KLHL29: variants seen among roughly 807,000 people sequenced by gnomAD.
KLHL29 encodes kelch-like protein 29.
In KLHL29, 21 loss-of-function variants were observed where a neutral mutation model predicts 80.4. The ratio of observed to expected loss-of-function variants is 0.26; its 90% confidence interval spans 0.19 to 0.38. The LOEUF (loss-of-function observed/expected upper bound fraction) is 0.38. Among genes scored for constraint, KLHL29 ranks in the 10% least tolerant of loss-of-function variants. KLHL29 has a pLI of 1.00. For synonymous variants in KLHL29, 511 were observed against 526.8 expected, an observed-to-expected ratio of 0.97 and a Z score of 0.41; for missense variants, 867 against 1,223.9, an observed-to-expected ratio of 0.71 and a Z score of 4.35.
At chr2:23,548,312 CACACAG>C (rs1667031313) in intron 2 of KLHL29, among the ~76,000 whole-genome samples, 1 of 151,794 alleles carries the variant, frequency 6.6e-6, no homozygotes, top group African/African-American at 2.4e-5. Context: ...GGCACACACA[CACACAG>C]ACACAAGCAC....
At chr2:23,491,870 A>G (rs543929691) in intron 2 of KLHL29, among the ~76,000 whole-genome samples, 2 of 152,228 alleles carry the variant, frequency 1.3e-5, no homozygotes, top group South Asian at 2.1e-4. Context: ...CCAGTCCCCT[A>G]GTTAGAAACC....
chr2:23,603,352 T>A (rs1212470536), intron 3 of KLHL29, among the ~76,000 whole-genome samples: 2 of 152,096 alleles, frequency 1.3e-5, no homozygotes, highest in African/African-American at 2.4e-5. Flanking sequence ...GGCTGGAAGA[T>A]GAAGGCTACA....
chr2:23,452,368 C>G (rs1663907194), intron 1 of KLHL29, among the ~76,000 whole-genome samples: 1 of 151,936 alleles, frequency 6.6e-6, no homozygotes, highest in Non-Finnish European at 1.5e-5. Flanking sequence ...CACTCATCAC[C>G]AAGGGGATGG....
At chr2:23,520,714 A>C (rs1024941097) in intron 2 of KLHL29, among the ~76,000 whole-genome samples, 2 of 152,198 alleles carry the variant, frequency 1.3e-5, no homozygotes, top group Non-Finnish European at 2.9e-5. Flanking sequence ...AGTGGATGAA[A>C]GTTTTCCCAT....
chr2:23,630,220 G>T (rs1012152364), intron 3 of KLHL29, among the ~76,000 whole-genome samples: 5 of 152,196 alleles, frequency 3.3e-5, no homozygotes, highest in Non-Finnish European at 7.3e-5. Context: ...AGGCCCTGTC[G>T]GGCTGGACAC....
At chr2:23,407,130 G>C (rs1666755684) in intron 1 of KLHL29, among the ~76,000 whole-genome samples, 1 of 151,974 alleles carries the variant, frequency 6.6e-6, no homozygotes, top group Non-Finnish European at 1.5e-5. Context: ...TTATTTAACT[G>C]TTTCCTTTTT....
chr2:23,561,633 C>T (rs931777865), intron 2 of KLHL29, among the ~76,000 whole-genome samples: 2 of 152,152 alleles, frequency 1.3e-5, no homozygotes, highest in African/African-American at 2.4e-5. Flanking sequence ...TGAGGTCCCT[C>T]GACCCTCAAC....
At chr2:23,685,855 C>T (rs147075923) in intron 6 of KLHL29, among the ~76,000 whole-genome samples, 2 of 152,294 alleles carry the variant, frequency 1.3e-5, no homozygotes, top group African/African-American at 2.4e-5. Context: ...ATCGGGCTGC[C>T]GGATCATGGA....
intron 2 of KLHL29, among the ~76,000 whole-genome samples, chr2:23,475,925 G>A (rs1664629236): frequency 6.6e-6 from 1 of 152,204 alleles, no homozygotes; most frequent in Non-Finnish European, 1.5e-5. Context: ...TCCAGCCCAG[G>A]CTGGAGCGCA....
chr2:23,701,427 G>C lies in KLHL29; in HGVS notation c.2106-1759G>C, dbSNP rs139719715. Among the ~76,000 whole-genome samples, 310 of 152,236 alleles carry C rather than the reference G, an allele frequency of 2.0e-3. 1 individual carries two copies. Among genetic ancestry groups the C allele is most frequent in the African/African-American group, 7.0e-3 (289 of 41,536 alleles). The stretch of plus-strand genomic sequence containing the variant: ...ATTATTTTCCTGCTTAAAACCTTCA[G>C]GGCAGTCAGGTGCTGTGGCTCACAT... On this transcript the variant is annotated intron_variant, in intron 11 of 13. Coordinates refer to ENST00000486442, the MANE Select transcript of KLHL29 (RefSeq NM_052920.2).
chr2:23,565,100 C>A (rs1667557338), intron 3 of KLHL29, among the ~76,000 whole-genome samples: 1 of 152,228 alleles, frequency 6.6e-6, no homozygotes, highest in Admixed American at 6.5e-5. Flanking sequence ...CAGAACAAGA[C>A]AGAACCTGGC....
intron 2 of KLHL29, among the ~76,000 whole-genome samples, chr2:23,533,479 G>C (rs1020099672): frequency 1.3e-5 from 2 of 152,158 alleles, no homozygotes; most frequent in Admixed American, 1.3e-4. Flanking sequence ...AGCCTCTGCC[G>C]GGAGTGAAGC....
Position 23,457,029 on chromosome 2 carries a change from G to C in KLHL29, c.-153-18531G>C, listed in dbSNP as rs1277298128. ...GGCGGCATCTCAGGTGTCAGGGCCG[G>C]AGCAGCAGAGGTCGAGGCCTTCCGA... On this transcript the variant is annotated intron_variant, in intron 1 of 13. Coordinates refer to ENST00000486442, the MANE Select transcript of KLHL29 (RefSeq NM_052920.2). The surrounding 1 kb of genome is among the most constrained non-coding windows in gnomAD (Gnocchi z 4.3). 1.3e-5 allele frequency among the ~76,000 whole-genome samples: 2 copies of C among 152,246 alleles called. No homozygotes were observed. The highest frequency in any genetic ancestry group is 2.9e-5 in the Non-Finnish European group (2 of 68,050).
intron 2 of KLHL29, among the ~76,000 whole-genome samples, chr2:23,518,893 G>A (rs190065081): frequency 6.6e-6 from 1 of 152,332 alleles, no homozygotes; most frequent in African/African-American, 2.4e-5. Flanking sequence ...GCAGGCATCA[G>A]AAGCAGCCAA....
chr2:23,619,995 G>A (rs1558411328), intron 3 of KLHL29, among the ~76,000 whole-genome samples: 1 of 152,210 alleles, frequency 6.6e-6, no homozygotes. Flanking sequence ...GGAACCAGGG[G>A]AAATGCATCT....
intron 5 of KLHL29, among the ~76,000 whole-genome samples, chr2:23,664,763 C>A (rs1670508322): frequency 6.6e-6 from 1 of 151,814 alleles, no homozygotes; most frequent in Non-Finnish European, 1.5e-5. Context: ...AAGACAGCAG[C>A]CTGCCATGGG....
intron 1 of KLHL29, among the ~76,000 whole-genome samples, chr2:23,409,374 G>A (rs1666809051): frequency 6.6e-6 from 1 of 152,140 alleles, no homozygotes; most frequent in African/African-American, 2.4e-5. Context: ...ATTCTTCCTA[G>A]CATATGGCTG....
intron 3 of KLHL29, among the ~76,000 whole-genome samples, chr2:23,587,854 C>T (rs1011324113): frequency 2.6e-5 from 4 of 152,154 alleles, no homozygotes; most frequent in Admixed American, 1.3e-4. Context: ...AGAATCCTGA[C>T]GCATGGGCAG....
rs954601343 is a variant in KLHL29 at position 23,448,817 on chromosome 2, A to G, written c.-153-26743A>G. Reference sequence around the variant, plus strand: ...CCTGTGCTTGCCAGAGAACGGCAGAATCTACCACCGTATGGCCTCCACCTC... The same window carrying G: ...CCTGTGCTTGCCAGAGAACGGCAGAGTCTACCACCGTATGGCCTCCACCTC... On this transcript the variant is annotated intron_variant, in intron 1 of 13. Transcript: ENST00000486442. Among the ~76,000 whole-genome samples, 3 of 152,292 alleles carry G rather than the reference A, an allele frequency of 2.0e-5. No individual in the cohort carries two copies. The East Asian group carries it at 5.8e-4, about 29-fold the overall frequency.
Sources: gnomAD v4.1 joint callset for allele counts (sites outside exome capture counted in the v4.1 genomes callset) on GRCh38, gnomAD v4.1.1 for gene constraint, Gnocchi (gnomAD v3.1) non-coding constraint, MANE v1.5 for transcripts, NCBI Gene and HGNC (gene_info 2026-07-23, HGNC 2026-07-21) for gene names.